MDGA2: variants seen among roughly 807,000 people sequenced by gnomAD.
MDGA2 encodes MAM domain containing glycosylphosphatidylinositol anchor 2.
In MDGA2, 40 loss-of-function variants were observed where a neutral mutation model predicts 117.8. The ratio of observed to expected loss-of-function variants is 0.34; its 90% CI spans 0.26 to 0.44. The LOEUF (loss-of-function observed/expected upper bound fraction) is 0.44. Ranked by LOEUF, MDGA2 falls within the 20% of genes least tolerant of loss-of-function variation. The probability of loss-of-function intolerance (pLI) is 1.00; values close to 1 mark genes in which losing one functional copy is unlikely to be tolerated. For synonymous variants in MDGA2, 452 were observed against 439.0 expected (o/e 1.03, Z -0.37); for missense variants, 1,123 against 1,250.6 (o/e 0.90, Z 1.54).
chr14:47,334,106 T>A (rs1257965317), intron 1 of MDGA2, among the ~76,000 whole-genome samples: 1 of 151,840 alleles, frequency 6.6e-6, no homozygotes, highest in East Asian at 1.9e-4. Context: ...ATTTGAAATC[T>A]TCAAATGACA....
At chr14:47,546,215 A>G (rs562197924) in intron 1 of MDGA2, among the ~76,000 whole-genome samples, 1 of 152,282 alleles carries the variant, frequency 6.6e-6, no homozygotes, top group Non-Finnish European at 1.5e-5. Context: ...ATTTAAGCAG[A>G]ATGATATAGC....
At chr14:47,386,850 T>C (rs1245335895) in intron 1 of MDGA2, among the ~76,000 whole-genome samples, 1 of 152,200 alleles carries the variant, frequency 6.6e-6, no homozygotes, top group Non-Finnish European at 1.5e-5. Context: ...TGCTCTGCAT[T>C]TACAAGTTGT....
At chr14:47,053,034 C>T (rs1889511903) in intron 7 of MDGA2, among the ~76,000 whole-genome samples, 1 of 151,910 alleles carries the variant, frequency 6.6e-6, no homozygotes, top group African/African-American at 2.4e-5. Context: ...GTTTCTGGGA[C>T]AAATACAATC....
chr14:46,850,510 A>G (rs188012233), intron 15 of MDGA2, among the ~76,000 whole-genome samples: 12 of 152,008 alleles, frequency 7.9e-5, no homozygotes, highest in Admixed American at 5.3e-4. Context: ...CAAAACCCTA[A>G]GACTGCAGTT....
At chr14:47,530,547 T>A (rs983334712) in intron 1 of MDGA2, among the ~76,000 whole-genome samples, 1 of 152,172 alleles carries the variant, frequency 6.6e-6, no homozygotes, top group African/African-American at 2.4e-5. Context: ...TCTCACCTCA[T>A]AATCAAACGA....
chr14:46,847,351 C>G (rs1053700334), intron 15 of MDGA2, among the ~76,000 whole-genome samples: 1 of 152,102 alleles, frequency 6.6e-6, no homozygotes, highest in African/African-American at 2.4e-5. Flanking sequence ...AAAGCCATCT[C>G]TTTGAAAGAC....
chr14:47,066,400 T>C (rs1890082034), intron 6 of MDGA2, among the ~76,000 whole-genome samples: 1 of 152,206 alleles, frequency 6.6e-6, no homozygotes, highest in Non-Finnish European at 1.5e-5. Context: ...CTGAGATGCA[T>C]CTGGGGAAAT....
chr14:47,500,241 G>C (rs1182216800), intron 1 of MDGA2, among the ~76,000 whole-genome samples: 2 of 152,044 alleles, frequency 1.3e-5, no homozygotes, highest in Admixed American at 1.3e-4. Context: ...AATTAATCCT[G>C]TGACTGAACA....
At chr14:46,923,158 T>C (rs1884197617) in intron 9 of MDGA2, among the ~76,000 whole-genome samples, 1 of 152,158 alleles carries the variant, frequency 6.6e-6, no homozygotes, top group Non-Finnish European at 1.5e-5. Context: ...AAAATTAAGC[T>C]CCAATCTAAC....
At chr14:46,987,101 CGT>C (rs1886889058) in intron 8 of MDGA2, among the ~76,000 whole-genome samples, 1 of 152,004 alleles carries the variant, frequency 6.6e-6, no homozygotes, top group Non-Finnish European at 1.5e-5. Context: ...CACTAAAACA[CGT>C]AACATAGAAT....
chr14:46,951,864 T>C (rs147485902), intron 9 of MDGA2, among the ~76,000 whole-genome samples: 38 of 152,096 alleles, frequency 2.5e-4, no homozygotes, highest in African/African-American at 8.9e-4. Context: ...TTAAAGCTTT[T>C]GACTTTGTAT....
At chr14:47,429,640 C>G (rs576980228) in intron 1 of MDGA2, among the ~76,000 whole-genome samples, 1 of 152,044 alleles carries the variant, frequency 6.6e-6, no homozygotes, top group Non-Finnish European at 1.5e-5. Context: ...CTTTTTCATG[C>G]AAATGCTTAG....
chr14:46,980,098 C>G (rs969141922), intron 8 of MDGA2, among the ~76,000 whole-genome samples: 2 of 152,156 alleles, frequency 1.3e-5, no homozygotes, highest in Non-Finnish European at 2.9e-5. Context: ...ATTCCAAAAT[C>G]CTAGGGCCCT....
intron 2 of MDGA2, among the ~76,000 whole-genome samples, chr14:47,281,669 C>T (rs1025502962): frequency 3.9e-5 from 6 of 152,110 alleles, no homozygotes; most frequent in Admixed American, 3.3e-4. Context: ...TTGATGATCA[C>T]GGCATAAATC....
At chr14:47,562,167 A>C (rs1266939279) in intron 1 of MDGA2, among the ~76,000 whole-genome samples, 1 of 152,158 alleles carries the variant, frequency 6.6e-6, no homozygotes, top group Non-Finnish European at 1.5e-5. Flanking sequence ...AAGTTCTTCA[A>C]GGATAGCAGC....
intron 1 of MDGA2, among the ~76,000 whole-genome samples, chr14:47,602,746 G>A (rs1277360889): frequency 6.6e-6 from 1 of 152,172 alleles, no homozygotes; most frequent in Non-Finnish European, 1.5e-5. Context: ...AAAAGAGAGA[G>A]CTTGGTGAAA....
At chr14:47,041,003 G>T in intron 7 of MDGA2, among the ~76,000 whole-genome samples, 1 of 152,184 alleles carries the variant, frequency 6.6e-6, no homozygotes, top group Non-Finnish European at 1.5e-5. Flanking sequence ...CAAAATAATA[G>T]ATAATAGAGA....
At chr14:47,492,424 A>G (rs1566483238) in intron 1 of MDGA2, among the ~76,000 whole-genome samples, 1 of 152,052 alleles carries the variant, frequency 6.6e-6, no homozygotes, top group African/African-American at 2.4e-5. Context: ...CACACTCTCA[A>G]TGAGTTTATA....
chr14:47,483,801 A>G (rs2138639334), intron 1 of MDGA2, among the ~76,000 whole-genome samples: 1 of 152,278 alleles, frequency 6.6e-6, no homozygotes. Flanking sequence ...ATCTTGTAGT[A>G]GTTATTGAGT....
Sources: gnomAD v4.1 joint callset for allele counts (sites outside exome capture counted in the v4.1 genomes callset) on GRCh38, gnomAD v4.1.1 for gene constraint, MANE v1.5 for transcripts, NCBI Gene and HGNC (gene_info 2026-07-23, HGNC 2026-07-21) for gene names.